Variants in DOCK11 observed in about 807,000 individuals in gnomAD.
DOCK11 encodes the protein dedicator of cytokinesis protein 11.
In DOCK11, 70 loss-of-function variants were observed where a neutral mutation model predicts 169.1. The observed-to-expected ratio is 0.41, with a 90% confidence interval of 0.34 to 0.51. The LOEUF is 0.51. Ranked by LOEUF, DOCK11 falls within the 20% of genes least tolerant of loss-of-function variation. The pLI is 0.10. For synonymous variants in DOCK11, 529 were observed against 541.3 expected (o/e 0.98, Z 0.32); for missense variants, 1,166 against 1,538.8 (o/e 0.76, Z 4.05).
At chrX:118,594,586 T>C (rs2014101249) in intron 20 of DOCK11, among the ~76,000 whole-genome samples, 1 of 111,916 alleles carries the variant, frequency 8.9e-6, no homozygotes, top group African/African-American at 3.2e-5. Context: ...GTACAAGATA[T>C]TGTAGTAGGC....
intron 31 of DOCK11, among the ~76,000 whole-genome samples, chrX:118,620,845 C>T (rs2014953520): frequency 8.9e-6 from 1 of 112,043 alleles, no homozygotes; most frequent in Non-Finnish European, 1.9e-5. Context: ...TTAAATGATT[C>T]ACTGGAAAAG....
At position 118,615,559 on chromosome X, in the gene DOCK11, C is replaced by A. The variant is rs776198252; in HGVS notation, c.3181-41C>A. 3 of 1,028,289 alleles carry A rather than the reference C, an allele frequency of 2.9e-6. No individual in the cohort carries two copies. The South Asian group carries it at 6.0e-5, about 20-fold the overall frequency. 84.7% of individuals were successfully genotyped at this position (1,028,289 alleles called of 1,213,427 possible). ...TATTAAATTCTTAAAATAGCAAATGCCTACTAAATATGAGCTAATGTATCA... is the reference window on the plus strand; with the variant it reads ...TATTAAATTCTTAAAATAGCAAATGACTACTAAATATGAGCTAATGTATCA... On this transcript the variant is annotated intron_variant, in intron 29 of 52. Transcript: ENST00000276202.
At chrX:118,529,261 C>T (rs749084575) in intron 1 of DOCK11, among the ~76,000 whole-genome samples, 11 of 112,136 alleles carry the variant, frequency 9.8e-5, no homozygotes, top group Middle Eastern at 4.7e-3. Context: ...GGATTACAGG[C>T]GTGAGCCACC....
intron 8 of DOCK11, 103 bp from the exon 9 acceptor site, chrX:118,566,471 T>C: frequency 1.3e-6 from 1 of 772,331 alleles, no homozygotes; most frequent in Non-Finnish European, 1.8e-6. Context: ...TTGCAATAAA[T>C]CTTGTAGGAG....
At chrX:118,640,108 A>G (rs2015492323) in intron 38 of DOCK11, among the ~76,000 whole-genome samples, 1 of 112,417 alleles carries the variant, frequency 8.9e-6, no homozygotes, top group Non-Finnish European at 1.9e-5. Context: ...AATCCTAAAT[A>G]CTAGTTTGGC....
chrX:118,564,167 C>T (rs979242218), intron 7 of DOCK11, among the ~76,000 whole-genome samples: 11 of 112,218 alleles, frequency 9.8e-5, no homozygotes, highest in South Asian at 3.7e-4. Context: ...TCAAGTGATC[C>T]GCTCACCTCA....
chrX:118,680,804 C>A, intron 49 of DOCK11, 112 bp downstream of exon 49: 1 of 695,867 alleles, frequency 1.4e-6, no homozygotes, highest in South Asian at 3.3e-5. Context: ...ATTATTTGTT[C>A]TGCTGTTCAG....
At chrX:118,516,018 T>TATATATATATATATATACACACACAC (rs1269373292) in intron 1 of DOCK11, among the ~76,000 whole-genome samples, 6 of 81,493 alleles carry the variant, frequency 7.4e-5, no homozygotes, top group African/African-American at 3.1e-4. Flanking sequence ...TATATATATA[T>TATATATATATATATATACACACACAC]ACATTCTTAC....
chrX:118,594,578 A>G (rs1390509693), intron 20 of DOCK11, among the ~76,000 whole-genome samples: 3 of 112,178 alleles, frequency 2.7e-5, no homozygotes, highest in East Asian at 2.8e-4. Context: ...TGTATTATGT[A>G]CAAGATATTG....
At chrX:118,568,725 A>G (rs1405589365) in intron 10 of DOCK11, among the ~76,000 whole-genome samples, 2 of 109,951 alleles carry the variant, frequency 1.8e-5, no homozygotes, top group Non-Finnish European at 3.8e-5. Flanking sequence ...CTTTCATGAG[A>G]GTTAGATGTG....
intron 50 of DOCK11, among the ~76,000 whole-genome samples, 178 bp downstream of exon 50, chrX:118,681,426 TTA>T (rs1222944143): frequency 8.9e-6 from 1 of 112,862 alleles, no homozygotes. Flanking sequence ...AAGTTTTGTG[TTA>T]TGTCAGAGGA....
At chrX:118,593,713 TC>T (rs1480560034) in intron 20 of DOCK11, among the ~76,000 whole-genome samples, 1 of 110,371 alleles carries the variant, frequency 9.1e-6, no homozygotes, top group Non-Finnish European at 1.9e-5. Context: ...TTCAATTACC[TC>T]CCCCTGGGTC....
chrX:118,513,410 G>T (rs1174654984), intron 1 of DOCK11, among the ~76,000 whole-genome samples: 1 of 111,946 alleles, frequency 8.9e-6, no homozygotes, highest in African/African-American at 3.2e-5. Flanking sequence ...TTTGGATTTA[G>T]TTCCAACTGA....
In DOCK11 at chrX:118,544,125, G is replaced by A. The variant is rs769220666; in HGVS notation, c.392+532G>A. Among the ~76,000 whole-genome samples the A allele has an allele frequency of 2.7e-5, 3 of 112,390 alleles. No homozygotes were observed. The South Asian group carries it at 1.1e-3, about 41-fold the overall frequency. On this transcript the variant is annotated intron_variant, in intron 4 of 52. Transcript: ENST00000276202. The stretch of plus-strand genomic sequence containing the variant: ...CTCACTTTTTGGCTTTAGTGAACCT[G>A]TATTGATCATAAACTAAAATATAGC...
At chrX:118,674,676 A>C (rs974543922) in intron 46 of DOCK11, among the ~76,000 whole-genome samples, 1 of 112,061 alleles carries the variant, frequency 8.9e-6, no homozygotes. Context: ...TCTCTTGAAT[A>C]TATACTAGGG....
chrX:118,565,349 G>C (rs2013047641), intron 7 of DOCK11, among the ~76,000 whole-genome samples: 1 of 111,964 alleles, frequency 8.9e-6, no homozygotes, highest in Non-Finnish European at 1.9e-5. Context: ...GAGTAATTGG[G>C]TTATCCATCA....
In DOCK11 at chrX:118,580,186, A is replaced by T; in HGVS notation, c.1595+7A>T. On this transcript the variant is annotated splice_region_variant and intron_variant, in intron 14 of 52. Coordinates refer to ENST00000276202, the MANE Select transcript of DOCK11 (RefSeq NM_144658.4). Reference sequence around the variant, plus strand: ...CCTTCGCTTGGGCTGCCAGGTTTGTACAAATATAATCCTGACCCGCTCACT... The same window carrying T: ...CCTTCGCTTGGGCTGCCAGGTTTGTTCAAATATAATCCTGACCCGCTCACT... 8.3e-7 allele frequency: 1 copy of T among 1,200,144 alleles called. No homozygotes were observed.
At chrX:118,659,642 A>G (rs1350165920) in intron 44 of DOCK11, among the ~76,000 whole-genome samples, 2 of 112,305 alleles carry the variant, frequency 1.8e-5, no homozygotes, top group Non-Finnish European at 3.8e-5. Flanking sequence ...AGGCAGATGC[A>G]TTAAGATAAC....
chrX:118,648,109 T>C (rs1466585636), intron 40 of DOCK11, among the ~76,000 whole-genome samples: 1 of 74,631 alleles, frequency 1.3e-5, no homozygotes, highest in Non-Finnish European at 2.4e-5. Context: ...TACAATATAA[T>C]ATATAAATTG....
Sources: gnomAD v4.1 joint callset for allele counts (sites outside exome capture counted in the v4.1 genomes callset) on GRCh38, gnomAD v4.1.1 for gene constraint, MANE v1.5 for transcripts, NCBI Gene and HGNC (gene_info 2026-07-23, HGNC 2026-07-21) for gene names.